Variants in GRIN2B observed in about 807,000 individuals in gnomAD.
The protein encoded by GRIN2B is glutamate ionotropic receptor NMDA type subunit 2B.
GRIN2B carries 5 observed loss-of-function variants against 114.5 expected under a neutral mutation model. The ratio of observed to expected loss-of-function variants is 0.04; its 90% confidence interval spans 0.02 to 0.09. GRIN2B has a LOEUF of 0.09. Ranked by LOEUF, GRIN2B falls within the 10% of genes least tolerant of loss-of-function variation. The probability of loss-of-function intolerance (pLI) is 1.00; values close to 1 mark genes in which losing one functional copy is unlikely to be tolerated. For synonymous variants in GRIN2B, 787 were observed against 745.1 expected (o/e 1.06, Z -0.92); for missense variants, 1,108 against 1,943.5 (o/e 0.57, Z 8.08).
intron 3 of GRIN2B, among the ~76,000 whole-genome samples, chr12:13,812,572 A>G (rs1251535821): frequency 6.6e-6 from 1 of 152,206 alleles, no homozygotes; most frequent in East Asian, 1.9e-4. Flanking sequence ...CTAAAGAAAT[A>G]TTAGTACAAT....
chr12:13,843,112 A>G (rs1425660966), intron 3 of GRIN2B, among the ~76,000 whole-genome samples: 18 of 78,826 alleles, frequency 2.3e-4, no homozygotes, highest in African/African-American at 6.7e-4. Context: ...TACACTGGGG[A>G]AAAAAAAAAA....
rs1591612121 is a variant in GRIN2B at position 13,571,732 on chromosome 12, A to G, written c.2171+72T>C. 1.9e-5 allele frequency: 27 copies of G among 1,439,988 alleles called. No individual in the cohort carries two copies. In the East Asian group the frequency reaches 5.7e-4, roughly 30 times the overall value. 89.2% of individuals were successfully genotyped at this position (1,439,988 alleles called of 1,614,324 possible). ...ATACCAAGCATGGTATACCTAGTGC[A>G]TGTGATTCAATAGTATGCTTAATAA... On this transcript the variant is annotated intron_variant, in intron 11 of 13. Coordinates refer to ENST00000609686, the MANE Select transcript of GRIN2B (RefSeq NM_000834.5).
At chr12:13,591,102 T>G (rs74065139) in intron 10 of GRIN2B, among the ~76,000 whole-genome samples, 16,162 of 152,130 alleles carry the variant, frequency 0.11, 1,641 homozygotes, top group African/African-American at 0.27. Context: ...GTCTAAGCAC[T>G]GCAACTCGCC....
chr12:13,801,080 G>T (rs1864503033), intron 3 of GRIN2B, among the ~76,000 whole-genome samples: 1 of 152,084 alleles, frequency 6.6e-6, no homozygotes, highest in Admixed American at 6.5e-5. Context: ...TGTCCCTACT[G>T]CAGGAACAGT....
intron 4 of GRIN2B, among the ~76,000 whole-genome samples, chr12:13,731,464 G>A (rs565135031): frequency 1.3e-5 from 2 of 152,248 alleles, no homozygotes; most frequent in East Asian, 3.9e-4. Context: ...AGCTGGGCGT[G>A]GTGGTGGGCA....
intron 4 of GRIN2B, among the ~76,000 whole-genome samples, chr12:13,737,763 C>T (rs965678278): frequency 1.3e-5 from 2 of 152,202 alleles, no homozygotes; most frequent in Admixed American, 6.5e-5. Flanking sequence ...CCTGGAGGTT[C>T]TGCCATGGTT....
At chr12:13,944,335 T>A (rs1005273014) in intron 2 of GRIN2B, among the ~76,000 whole-genome samples, 1 of 152,192 alleles carries the variant, frequency 6.6e-6, no homozygotes, top group African/African-American at 2.4e-5. Flanking sequence ...CAAGTCTAAA[T>A]CACCAAATGA....
At chr12:13,688,117 C>A (rs1369229867) in intron 4 of GRIN2B, among the ~76,000 whole-genome samples, 3 of 152,134 alleles carry the variant, frequency 2.0e-5, no homozygotes, top group Admixed American at 2.0e-4. Flanking sequence ...TTGAATCCAT[C>A]CACTTCTGAA....
intron 3 of GRIN2B, among the ~76,000 whole-genome samples, chr12:13,810,090 C>A (rs2136682895): frequency 6.6e-6 from 1 of 152,296 alleles, no homozygotes; most frequent in Non-Finnish European, 1.5e-5. Flanking sequence ...GACACCATCG[C>A]TTCCAAGAGA....
intron 2 of GRIN2B, among the ~76,000 whole-genome samples, chr12:13,884,259 A>G (rs1012044871): frequency 4.8e-5 from 4 of 84,120 alleles, no homozygotes; most frequent in African/African-American, 1.2e-4. Context: ...AATTCCTACA[A>G]AAAAAAAATC....
intron 2 of GRIN2B, among the ~76,000 whole-genome samples, chr12:13,960,168 T>C (rs1268322857): frequency 6.6e-6 from 1 of 152,130 alleles, no homozygotes; most frequent in Non-Finnish European, 1.5e-5. Context: ...CATTGGCAAA[T>C]GTCCTTTGAG....
At chr12:13,889,771 C>T (rs1866227471) in intron 2 of GRIN2B, among the ~76,000 whole-genome samples, 1 of 152,188 alleles carries the variant, frequency 6.6e-6, no homozygotes. Flanking sequence ...AATTGGCATA[C>T]ACCTGTCTTT....
intron 2 of GRIN2B, among the ~76,000 whole-genome samples, chr12:13,960,544 C>A (rs1490178072): frequency 6.6e-6 from 1 of 152,076 alleles, no homozygotes; most frequent in Non-Finnish European, 1.5e-5. Flanking sequence ...GTACTGGGGG[C>A]ATGGAGGAGA....
chr12:13,541,406 G>T lies in GRIN2B; in HGVS notation c.*21377C>A, dbSNP rs949733891. 5 of 152,204 alleles carry T rather than the reference G, an allele frequency of 3.3e-5. No homozygotes were observed. In the East Asian group the frequency reaches 9.6e-4, roughly 29 times the overall value. 9.4% of individuals were successfully genotyped at this position (152,204 alleles called of 1,614,324 possible). A position where few individuals can be genotyped will look rare whatever the true frequency, so the allele number is the denominator to read the frequency against. ...CCAGTCTGAAGGAGGGGAGATCTGA[G>T]GCAGGGTAAATGGAAGTCACATTGT... On this transcript the variant is annotated 3_prime_UTR_variant, in exon 14 of 14. Transcript: ENST00000609686.
rs552388543 is a variant in GRIN2B at position 13,725,268 on chromosome 12, T to C, written c.1010+28049A>G. Among the ~76,000 whole-genome samples the C allele has an allele frequency of 3.5e-4, 53 of 151,762 alleles. 1 individual carries two copies. The highest frequency in any genetic ancestry group is 1.1e-3 in the African/African-American group (47 of 41,364). ...AGTCACCAGATTGTGTCATTTTGAA[T>C]ACAAGGAAGAAAAGAAGAATGAGAG... On this transcript the variant is annotated intron_variant, in intron 4 of 13. Coordinates refer to ENST00000609686, the MANE Select transcript of GRIN2B (RefSeq NM_000834.5).
intron 4 of GRIN2B, among the ~76,000 whole-genome samples, chr12:13,738,172 CT>C (rs1863218415): frequency 1.3e-5 from 2 of 152,146 alleles, no homozygotes; most frequent in Non-Finnish European, 2.9e-5. Context: ...CTAAACACTG[CT>C]TTTCCTTTTA....
At chr12:13,933,611 G>A (rs562722504) in intron 2 of GRIN2B, among the ~76,000 whole-genome samples, 2 of 152,254 alleles carry the variant, frequency 1.3e-5, no homozygotes, top group African/African-American at 4.8e-5. Context: ...CTGCAAGAAG[G>A]GTATCAGGTA....
At chr12:13,822,723 C>T (rs550270761) in intron 3 of GRIN2B, among the ~76,000 whole-genome samples, 2 of 152,220 alleles carry the variant, frequency 1.3e-5, no homozygotes, top group South Asian at 2.1e-4. Flanking sequence ...AGTCTTTACA[C>T]ATTTTAAGTC....
chr12:13,575,673 CAATAATAAT>C (rs58985272), intron 10 of GRIN2B, among the ~76,000 whole-genome samples: 11 of 147,640 alleles, frequency 7.5e-5, no homozygotes, highest in East Asian at 2.0e-4. Flanking sequence ...ATGATAACAA[CAATAATAAT>C]AATAATAATA....
Sources: gnomAD v4.1 joint callset for allele counts (sites outside exome capture counted in the v4.1 genomes callset) on GRCh38, gnomAD v4.1.1 for gene constraint, MANE v1.5 for transcripts, NCBI Gene and HGNC (gene_info 2026-07-23, HGNC 2026-07-21) for gene names.